The following LRFN5 variants were observed in gnomAD, a reference collection of about 807,000 sequenced individuals.
LRFN5 encodes leucine-rich repeat and fibronectin type-III domain-containing protein 5.
A neutral mutation model predicts 45.6 loss-of-function variants in LRFN5; 24 were observed. The ratio of observed to expected loss-of-function variants is 0.53; its 90% confidence interval spans 0.38 to 0.74. LRFN5 has a LOEUF of 0.74. Among genes scored for constraint, LRFN5 ranks in the 30% least tolerant of loss-of-function variants. The pLI, the probability that LRFN5 is intolerant of heterozygous loss-of-function variation, is 0.00. For missense variants in LRFN5, 776 were observed against 861.5 expected (o/e 0.90, Z 1.24); for synonymous variants, 340 against 313.8 (o/e 1.08, Z -0.88).
At chr14:41,673,532 A>T (rs1356361136) in intron 1 of LRFN5, among the ~76,000 whole-genome samples, 1 of 103,440 alleles carries the variant, frequency 9.7e-6, no homozygotes, top group South Asian at 3.5e-4. Context: ...GGGCAGAGGC[A>T]CCCCTCACCT....
intron 2 of LRFN5, among the ~76,000 whole-genome samples, chr14:41,781,566 A>T (rs1038092678): frequency 5.2e-5 from 2 of 38,468 alleles, no homozygotes; most frequent in East Asian, 3.4e-3. Context: ...AAGAGAAAGA[A>T]AGAAAGAAAG....
At chr14:41,821,637 G>A (rs1888115487) in intron 2 of LRFN5, among the ~76,000 whole-genome samples, 1 of 151,900 alleles carries the variant, frequency 6.6e-6, no homozygotes, top group Admixed American at 6.6e-5. Context: ...GATGATATGA[G>A]CTTTGTAGAA....
rs902277064 is a variant in LRFN5 at position 41,768,886 on chromosome 14, G to T, written c.-21+1857G>T. 3.0e-4 allele frequency among the ~76,000 whole-genome samples: 46 copies of T among 152,164 alleles called. No homozygotes were observed. In the East Asian group the frequency reaches 4.8e-3, roughly 16 times the overall value. ...CTAATTGCTAAAATCAAGGCCAAAA[G>T]ATTTTCTTAATTAACCTGGAAATAA... On this transcript the variant is annotated intron_variant, in intron 2 of 5. Coordinates refer to ENST00000298119, the MANE Select transcript of LRFN5 (RefSeq NM_152447.5).
At chr14:41,744,019 T>C (rs1719709678) in intron 1 of LRFN5, among the ~76,000 whole-genome samples, 1 of 152,116 alleles carries the variant, frequency 6.6e-6, no homozygotes, top group Admixed American at 6.6e-5. Context: ...TTCAATCATT[T>C]GGTAACTACA....
chr14:41,808,576 AG>A (rs1417526037), intron 2 of LRFN5, among the ~76,000 whole-genome samples: 1 of 148,568 alleles, frequency 6.7e-6, no homozygotes, highest in African/African-American at 2.5e-5. Context: ...GAAGGAAGGA[AG>A]GAAGGAAGGA....
chr14:41,733,149 A>G (rs1233202126), intron 1 of LRFN5, among the ~76,000 whole-genome samples: 1 of 152,136 alleles, frequency 6.6e-6, no homozygotes, highest in Admixed American at 6.6e-5. Flanking sequence ...AAAGGAGCAG[A>G]GAGAATGTTT....
chr14:41,609,480 A>T (rs977589704), intron 1 of LRFN5, among the ~76,000 whole-genome samples: 16 of 152,070 alleles, frequency 1.1e-4, no homozygotes, highest in African/African-American at 3.4e-4. Flanking sequence ...TGGCCGGCTG[A>T]AGCAGAACAA....
intron 1 of LRFN5, among the ~76,000 whole-genome samples, chr14:41,611,535 C>T (rs1290608305): frequency 6.6e-6 from 1 of 152,096 alleles, no homozygotes; most frequent in Non-Finnish European, 1.5e-5. Flanking sequence ...TTAATAGGGA[C>T]AGAACAATAA....
At chr14:41,778,693 T>A (rs1225118394) in intron 2 of LRFN5, among the ~76,000 whole-genome samples, 1 of 151,838 alleles carries the variant, frequency 6.6e-6, no homozygotes, top group African/African-American at 2.4e-5. Context: ...TTATGATCCC[T>A]TTCTGCCTCT....
chr14:41,719,745 G>GTA (rs144467410), intron 1 of LRFN5, among the ~76,000 whole-genome samples: 6,940 of 149,090 alleles, frequency 0.047, 337 homozygotes, highest in African/African-American at 0.13. Flanking sequence ...ATGTGTGTGT[G>GTA]TATATATATA....
intron 1 of LRFN5, among the ~76,000 whole-genome samples, chr14:41,716,532 C>T (rs1471648550): frequency 6.6e-6 from 1 of 152,114 alleles, no homozygotes. Context: ...AAAATGCTGC[C>T]AGTCTCTTTG....
chr14:41,766,396 T>C (rs1315426285), intron 1 of LRFN5, among the ~76,000 whole-genome samples: 1 of 152,118 alleles, frequency 6.6e-6, no homozygotes. Context: ...TGTTGAAAAA[T>C]ATACGGGAAA....
At chr14:41,765,241 C>G (rs1416097572) in intron 1 of LRFN5, among the ~76,000 whole-genome samples, 1 of 151,314 alleles carries the variant, frequency 6.6e-6, no homozygotes, top group Non-Finnish European at 1.5e-5. Context: ...ACTCGGGAGG[C>G]TGAGGCAGGA....
chr14:41,646,780 C>G (rs532098943), intron 1 of LRFN5, among the ~76,000 whole-genome samples: 74 of 152,308 alleles, frequency 4.9e-4, no homozygotes, highest in Non-Finnish European at 9.6e-4. Context: ...TCACAAAGCT[C>G]TGTTGATATT....
At chr14:41,814,349 A>T (rs1375345935) in intron 2 of LRFN5, among the ~76,000 whole-genome samples, 1 of 152,158 alleles carries the variant, frequency 6.6e-6, no homozygotes. Flanking sequence ...ACACTTCACT[A>T]TAAAAGGTCT....
In LRFN5 at chr14:41,887,417, T is replaced by C. The variant is rs1890613118; in HGVS notation, c.792T>C (p.Ala264=). The change falls in exon 3 of 6, where the codon GCT becomes GCC. Residue 264 remains alanine (A), a synonymous_variant. Coordinates refer to ENST00000298119, the MANE Select transcript of LRFN5 (RefSeq NM_152447.5). The surrounding 1 kb of genome is among the most constrained non-coding windows in gnomAD (Gnocchi z 4.8). ...LSREDDLETC[A]SPPLLTGRYF... ...GAGAAGATGACTTAGAGACCTGTGC[T>C]TCTCCTCCACTTTTAACTGGCCGCT... 1.9e-6 allele frequency: 3 copies of C among 1,614,236 alleles called. No individual in the cohort carries two copies. The highest frequency in any genetic ancestry group is 2.5e-6 in the Non-Finnish European group (3 of 1,180,040).
intron 1 of LRFN5, among the ~76,000 whole-genome samples, chr14:41,721,066 G>C (rs979020368): frequency 6.6e-6 from 1 of 152,110 alleles, no homozygotes; most frequent in African/African-American, 2.4e-5. Flanking sequence ...GGGTGCTCCA[G>C]TGGTGGGTGC....
chr14:41,898,891 T>G, intron 4 of LRFN5, 26 bp from the exon 5 acceptor site: 5 of 1,603,140 alleles, frequency 3.1e-6, no homozygotes, highest in Non-Finnish European at 4.3e-6. Context: ...ATGAATTGTT[T>G]ATGACACTGA....
chr14:41,784,412 C>T (rs550338798), intron 2 of LRFN5, among the ~76,000 whole-genome samples: 1 of 151,900 alleles, frequency 6.6e-6, no homozygotes, highest in African/African-American at 2.4e-5. Context: ...TAAAAAAACA[C>T]AGTAATCATT....
Sources: allele counts gnomAD v4.1 joint callset (sites outside exome capture counted in the v4.1 genomes callset), GRCh38; gene constraint gnomAD v4.1.1; non-coding constraint Gnocchi (gnomAD v3.1); transcripts MANE v1.5; gene names NCBI Gene and HGNC (gene_info 2026-07-23, HGNC 2026-07-21).